Variants in SEMA3E observed in about 807,000 individuals in gnomAD.
SEMA3E encodes the protein semaphorin-3E.
SEMA3E carries 49 observed loss-of-function variants against 93.6 expected under a neutral mutation model. That is an observed-to-expected ratio of 0.52 (90% CI 0.42 to 0.66). SEMA3E has a LOEUF of 0.66. Among genes scored for constraint, SEMA3E ranks in the 30% least tolerant of loss-of-function variants. SEMA3E has a pLI of 0.00. For missense variants in SEMA3E, 906 were observed against 964.8 expected (o/e 0.94, Z 0.81); for synonymous variants, 363 against 330.7 (o/e 1.10, Z -1.06).
At chr7:83,536,903 C>T (rs1791420228) in intron 1 of SEMA3E, among the ~76,000 whole-genome samples, 1 of 152,048 alleles carries the variant, frequency 6.6e-6, no homozygotes, top group Non-Finnish European at 1.5e-5. Context: ...TGTTGACACC[C>T]TAACCCCAAA....
At chr7:83,615,321 C>T (rs898060488) in intron 1 of SEMA3E, among the ~76,000 whole-genome samples, 12 of 151,916 alleles carry the variant, frequency 7.9e-5, no homozygotes, top group African/African-American at 2.2e-4. Context: ...CTACAGGTGA[C>T]GTTCAATTCA....
intron 4 of SEMA3E, among the ~76,000 whole-genome samples, chr7:83,422,569 G>T (rs1172060564): frequency 6.6e-6 from 1 of 152,126 alleles, no homozygotes; most frequent in Non-Finnish European, 1.5e-5. Context: ...ATAGATAGTA[G>T]ATCAGGGATA....
chr7:83,626,232 G>A (rs537783140), intron 1 of SEMA3E, among the ~76,000 whole-genome samples: 2 of 152,302 alleles, frequency 1.3e-5, no homozygotes, highest in East Asian at 3.9e-4. Flanking sequence ...AAAAGAGTTA[G>A]GGAGGAGTCC....
At chr7:83,533,702 TC>T (rs2115735741) in intron 1 of SEMA3E, among the ~76,000 whole-genome samples, 1 of 152,254 alleles carries the variant, frequency 6.6e-6, no homozygotes, top group East Asian at 1.9e-4. Flanking sequence ...GAGATTCAGG[TC>T]CCTACTGTGC....
chr7:83,500,464 A>T (rs564193720), intron 1 of SEMA3E, among the ~76,000 whole-genome samples: 1 of 151,940 alleles, frequency 6.6e-6, no homozygotes, highest in Non-Finnish European at 1.5e-5. Context: ...ACAACAAAAA[A>T]ACTTACTTAA....
chr7:83,568,960 T>C lies in SEMA3E; in HGVS notation c.116-78686A>G, dbSNP rs145228436. On this transcript the variant is annotated intron_variant, in intron 1 of 16. Coordinates refer to ENST00000643230, the MANE Select transcript of SEMA3E (RefSeq NM_012431.3). ...ACGTTATTCTTCTTTGCTGTTGATATGATCTTATATCTAGAATAACCTAAT... is the reference window on the plus strand; with the variant it reads ...ACGTTATTCTTCTTTGCTGTTGATACGATCTTATATCTAGAATAACCTAAT... Among the ~76,000 whole-genome samples the C allele has an allele frequency of 4.5e-3, 679 of 152,246 alleles. 5 individuals are homozygous for C. The highest frequency in any genetic ancestry group is 0.03 in the South Asian group (147 of 4,828).
chr7:83,589,540 A>G (rs2115939852), intron 1 of SEMA3E, among the ~76,000 whole-genome samples: 1 of 152,292 alleles, frequency 6.6e-6, no homozygotes. Context: ...TAGACATAGA[A>G]TGTGAATCAC....
At chr7:83,518,198 A>C (rs753271151) in intron 1 of SEMA3E, among the ~76,000 whole-genome samples, 1 of 152,140 alleles carries the variant, frequency 6.6e-6, no homozygotes, top group Non-Finnish European at 1.5e-5. Context: ...ATTTATGGGG[A>C]ACAGGTCATA....
At chr7:83,444,756 C>T (rs1274414308) in intron 4 of SEMA3E, among the ~76,000 whole-genome samples, 3 of 150,756 alleles carry the variant, frequency 2.0e-5, no homozygotes, top group South Asian at 2.1e-4. Context: ...CTGCAAACTC[C>T]GCCTCCGGGG....
chr7:83,550,948 A>C (rs1183083635), intron 1 of SEMA3E, among the ~76,000 whole-genome samples: 1 of 152,156 alleles, frequency 6.6e-6, no homozygotes, highest in African/African-American at 2.4e-5. Context: ...CCTCATTAGT[A>C]ATAAAAGTAT....
At chr7:83,523,786 A>C (rs1791098080) in intron 1 of SEMA3E, among the ~76,000 whole-genome samples, 2 of 152,106 alleles carry the variant, frequency 1.3e-5, no homozygotes, top group Non-Finnish European at 2.9e-5. Context: ...GTATTTTATA[A>C]AATTACAGTA....
At chr7:83,479,117 T>C (rs1424902287) in intron 2 of SEMA3E, among the ~76,000 whole-genome samples, 1 of 152,168 alleles carries the variant, frequency 6.6e-6, no homozygotes, top group African/African-American at 2.4e-5. Context: ...CCTTACTGCA[T>C]ACCCTCTTCC....
At position 83,616,495 on chromosome 7, in the gene SEMA3E, T is replaced by TA. The variant is rs573972976; in HGVS notation, c.115+31932dup. The TA allele has an allele frequency of 5.2e-3, 1,291 of 249,728 alleles. 13 individuals carry two copies. The highest frequency in any genetic ancestry group is 0.026 in the African/African-American group (1,103 of 42,708). 15.5% of individuals were successfully genotyped at this position (249,728 alleles called of 1,614,324 possible). On this transcript the variant is annotated intron_variant, in intron 1 of 16. Transcript: ENST00000643230. The stretch of plus-strand genomic sequence containing the variant: ...TTAATACATTTTAATAAGATTCTAA[T>TA]AAAAAAAAATAGCGGGCAAACTGGC...
intron 1 of SEMA3E, among the ~76,000 whole-genome samples, chr7:83,496,308 T>C (rs1269118949): frequency 6.6e-6 from 1 of 152,038 alleles, no homozygotes; most frequent in African/African-American, 2.4e-5. Context: ...GGGATTATAA[T>C]GTGTCAGAAA....
intron 1 of SEMA3E, among the ~76,000 whole-genome samples, chr7:83,502,862 A>G (rs1790621540): frequency 6.6e-6 from 1 of 152,178 alleles, no homozygotes; most frequent in South Asian, 2.1e-4. Flanking sequence ...AGCACTAGAT[A>G]ACAATATGTT....
chr7:83,634,392 C>A (rs999935069), intron 1 of SEMA3E, among the ~76,000 whole-genome samples: 1 of 151,528 alleles, frequency 6.6e-6, no homozygotes, highest in Non-Finnish European at 1.5e-5. Context: ...AGTTTTTTTT[C>A]TCCAGATAGG....
At chr7:83,548,388 G>A (rs906105336) in intron 1 of SEMA3E, among the ~76,000 whole-genome samples, 1 of 152,018 alleles carries the variant, frequency 6.6e-6, no homozygotes, top group Non-Finnish European at 1.5e-5. Flanking sequence ...CTTTATAGAA[G>A]TATGACTATT....
At chr7:83,476,646 T>C (rs1790016294) in intron 2 of SEMA3E, among the ~76,000 whole-genome samples, 2 of 152,166 alleles carry the variant, frequency 1.3e-5, no homozygotes, top group Admixed American at 6.5e-5. Context: ...TGGAAAGTTA[T>C]TTTTAAAGCC....
chr7:83,520,539 C>G (rs1268703365), intron 1 of SEMA3E, among the ~76,000 whole-genome samples: 1 of 152,070 alleles, frequency 6.6e-6, no homozygotes, highest in Non-Finnish European at 1.5e-5. Context: ...GAGAAAAAGT[C>G]TGGGTAGAAT....
Sources: allele counts gnomAD v4.1 joint callset (sites outside exome capture counted in the v4.1 genomes callset), GRCh38; gene constraint gnomAD v4.1.1; transcripts MANE v1.5; gene names NCBI Gene and HGNC (gene_info 2026-07-23, HGNC 2026-07-21).